PCLAF: variants seen among roughly 807,000 people sequenced by gnomAD.
PCLAF encodes PCNA clamp associated factor, also known as PCNA-associated factor.
A neutral mutation model predicts 15.1 loss-of-function variants in PCLAF; 12 were observed. That is an observed-to-expected ratio of 0.79 (90% CI 0.51 to 1.29). The LOEUF (loss-of-function observed/expected upper bound fraction) is 1.29. Among genes scored for constraint, PCLAF ranks in the 50% most tolerant of loss-of-function variants. The pLI is 0.00. For missense variants in PCLAF, 116 were observed against 130.9 expected, an observed-to-expected ratio of 0.89 and a Z score of 0.56; for synonymous variants, 33 against 47.1, an observed-to-expected ratio of 0.70 and a Z score of 1.22.
chr15:64,375,560 C>G (rs1008406116), intron 3 of PCLAF, among the ~76,000 whole-genome samples: 1 of 151,882 alleles, frequency 6.6e-6, no homozygotes, highest in Non-Finnish European at 1.5e-5. Flanking sequence ...ATAGGCGGCG[C>G]CGCCACCCTT....
chr15:64,387,545 C>T, exon 1 of PCLAF: 1 of 1,328,064 alleles, frequency 7.5e-7, no homozygotes, highest in Non-Finnish European at 9.7e-7. Flanking sequence ...TTTGTTTTCC[C>T]CCTAAACTGT....
upstream of PCLAF, among the ~76,000 whole-genome samples, chr15:64,385,868 T>G (rs1484658456): frequency 6.6e-6 from 1 of 152,078 alleles, no homozygotes. Context: ...CTCAGACTTC[T>G]GCTCCCAGAC....
chr15:64,383,533 A>AT (rs1366193496), upstream of PCLAF, among the ~76,000 whole-genome samples: 1 of 151,874 alleles, frequency 6.6e-6, no homozygotes, highest in African/African-American at 2.4e-5. Flanking sequence ...CACTCGGCTA[A>AT]TTTTTGTATT....
At chr15:64,380,531 C>T (rs1899779405) in intron 2 of PCLAF, among the ~76,000 whole-genome samples, 1 of 151,902 alleles carries the variant, frequency 6.6e-6, no homozygotes, top group East Asian at 1.9e-4. Context: ...AGTGAGACCC[C>T]CATCTCTACA....
At chr15:64,386,468 G>A (rs1676002316) in intron 1 of PCLAF, among the ~76,000 whole-genome samples, 1 of 152,144 alleles carries the variant, frequency 6.6e-6, no homozygotes, top group Non-Finnish European at 1.5e-5. Flanking sequence ...CTACAGGCAT[G>A]TGCCACCATG....
chr15:64,372,764 G>A (rs1238511336), intron 3 of PCLAF, among the ~76,000 whole-genome samples: 2 of 152,172 alleles, frequency 1.3e-5, no homozygotes, highest in East Asian at 1.9e-4. Flanking sequence ...ACAAGGTCAG[G>A]AGATCAAGAC....
At chr15:64,374,846 C>CAA (rs372818602) in intron 3 of PCLAF, among the ~76,000 whole-genome samples, 965 of 39,944 alleles carry the variant, frequency 0.024, 22 homozygotes, top group African/African-American at 0.074. Context: ...ACCCCCATAT[C>CAA]AAAAAAAAAA....
intron 3 of PCLAF, among the ~76,000 whole-genome samples, chr15:64,370,972 T>C (rs1266343678): frequency 2.8e-5 from 4 of 142,302 alleles, no homozygotes; most frequent in Non-Finnish European, 6.1e-5. Flanking sequence ...TGTTCTTTTT[T>C]TTTTTTTTTT....
chr15:64,377,606 T>C (rs1217562797), intron 2 of PCLAF, among the ~76,000 whole-genome samples: 1 of 139,912 alleles, frequency 7.1e-6, no homozygotes, highest in Non-Finnish European at 1.5e-5. Flanking sequence ...CCATGTAGTA[T>C]AAAGTGCCAA....
intron 1 of PCLAF, among the ~76,000 whole-genome samples, chr15:64,386,619 AGTGTGTGTGT>A (rs35727456): frequency 2.7e-5 from 4 of 146,314 alleles, no homozygotes; most frequent in South Asian, 2.2e-4. Flanking sequence ...CACCACGCCC[AGTGTGTGTGT>A]GTGTGTGTGT....
At chr15:64,380,055 C>T (rs192438645) in intron 2 of PCLAF, among the ~76,000 whole-genome samples, 6 of 152,018 alleles carry the variant, frequency 3.9e-5, no homozygotes, top group African/African-American at 1.2e-4. Context: ...TTTAAATAGC[C>T]TCTAACAATA....
chr15:64,373,803 A>G (rs1262329924), intron 3 of PCLAF: 3 of 1,531,802 alleles, frequency 2.0e-6, no homozygotes, highest in Non-Finnish European at 2.6e-6. Flanking sequence ...CTTATATTCA[A>G]GGGGCATCAT....
At chr15:64,378,183 C>T (rs1477662175) in intron 2 of PCLAF, among the ~76,000 whole-genome samples, 7 of 152,080 alleles carry the variant, frequency 4.6e-5, no homozygotes. Flanking sequence ...GCCTTGGCCT[C>T]CCAAAGTGCT....
intron 3 of PCLAF, among the ~76,000 whole-genome samples, chr15:64,374,611 A>G (rs969819915): frequency 7.9e-5 from 12 of 152,016 alleles, no homozygotes; most frequent in Admixed American, 7.2e-4. Flanking sequence ...GTGGGAGGCC[A>G]AGGCAAGTGG....
upstream of PCLAF, among the ~76,000 whole-genome samples, chr15:64,384,648 A>C (rs572263117): frequency 1.4e-4 from 21 of 151,292 alleles, no homozygotes; most frequent in Non-Finnish European, 3.1e-4. Flanking sequence ...AGGCTGAGGC[A>C]GGAGAATCAC....
chr15:64,384,925 G>C (rs888799292), upstream of PCLAF, among the ~76,000 whole-genome samples: 3 of 151,598 alleles, frequency 2.0e-5, no homozygotes, highest in Admixed American at 1.3e-4. Flanking sequence ...TTTGAGACAG[G>C]GTCTCACTCT....
upstream of PCLAF, chr15:64,382,436 GAAAGA>G (rs1214626057): frequency 6.7e-6 from 1 of 148,598 alleles, no homozygotes; most frequent in Non-Finnish European, 1.5e-5. Flanking sequence ...AAGAAAGAAA[GAAAGA>G]AAAGAAAAGA....
intron 3 of PCLAF, among the ~76,000 whole-genome samples, chr15:64,367,834 C>A (rs189618685): frequency 7.2e-5 from 11 of 151,880 alleles, no homozygotes; most frequent in African/African-American, 2.7e-4. Flanking sequence ...AGGCATGAGC[C>A]ACCGTGCCCA....
chr15:64,383,276 C>G (rs991975761), upstream of PCLAF, among the ~76,000 whole-genome samples: 3 of 152,040 alleles, frequency 2.0e-5, no homozygotes, highest in African/African-American at 2.4e-5. Context: ...AAGGTTACAG[C>G]CAAATCAACC....
Sources: gnomAD v4.1 joint callset for allele counts (sites outside exome capture counted in the v4.1 genomes callset) on GRCh38, gnomAD v4.1.1 for gene constraint, MANE v1.5 for transcripts, NCBI Gene and HGNC (gene_info 2026-07-23, HGNC 2026-07-21) for gene names.